FAM163B: variants seen among roughly 807,000 people sequenced by gnomAD.
FAM163B encodes protein FAM163B.
In FAM163B, 4 loss-of-function variants were observed where a neutral mutation model predicts 7.6. The ratio of observed to expected loss-of-function variants is 0.52; its 90% CI spans 0.26 to 1.20. The LOEUF (loss-of-function observed/expected upper bound fraction) is 1.20. Among genes scored for constraint, FAM163B ranks in the 50% most tolerant of loss-of-function variants. The probability of loss-of-function intolerance (pLI) is 0.14; values close to 1 mark genes in which losing one functional copy is unlikely to be tolerated. For synonymous variants in FAM163B, 120 were observed against 111.6 expected (o/e 1.07, Z -0.47); for missense variants, 250 against 243.0 (o/e 1.03, Z -0.19).
chr9:133,588,032 C>T (rs1489319713), intron 1 of FAM163B, among the ~76,000 whole-genome samples: 1 of 152,154 alleles, frequency 6.6e-6, no homozygotes, highest in Non-Finnish European at 1.5e-5. Flanking sequence ...CAGGACCTCA[C>T]TGCTGCTATC....
At chr9:133,603,767 TCTGGGGCA>T (rs1831757730) in intron 1 of FAM163B, among the ~76,000 whole-genome samples, 1 of 152,196 alleles carries the variant, frequency 6.6e-6, no homozygotes, top group Non-Finnish European at 1.5e-5. Flanking sequence ...TTCCTTTGAA[TCTGGGGCA>T]CCTGCTACCT....
chr9:133,587,485 T>C (rs368793182), intron 1 of FAM163B, among the ~76,000 whole-genome samples: 1 of 151,600 alleles, frequency 6.6e-6, no homozygotes, highest in Admixed American at 6.6e-5. Flanking sequence ...AGTGTCAGGA[T>C]CAGGCCTCCT....
chr9:133,590,562 C>T (rs1831537210), intron 1 of FAM163B, among the ~76,000 whole-genome samples: 1 of 152,198 alleles, frequency 6.6e-6, no homozygotes, highest in Non-Finnish European at 1.5e-5. Context: ...GGCCTTTACC[C>T]ACCAAAATGG....
At chr9:133,604,121 C>T (rs1252734315) in intron 1 of FAM163B, among the ~76,000 whole-genome samples, 1 of 152,238 alleles carries the variant, frequency 6.6e-6, no homozygotes, top group East Asian at 1.9e-4. Flanking sequence ...GGATTATAGG[C>T]ATGGGCCACT....
At chr9:133,592,299 G>A (rs1179679556) in intron 1 of FAM163B, among the ~76,000 whole-genome samples, 2 of 152,198 alleles carry the variant, frequency 1.3e-5, no homozygotes, top group African/African-American at 2.4e-5. Context: ...AATCACGACT[G>A]CAACTCCAGG....
intron 1 of FAM163B, among the ~76,000 whole-genome samples, chr9:133,580,805 A>G (rs973538310): frequency 1.3e-5 from 2 of 152,312 alleles, no homozygotes; most frequent in East Asian, 1.9e-4. Flanking sequence ...AAAATGTACC[A>G]TCTTCACCAT....
chr9:133,602,372 G>C (rs994088826), intron 1 of FAM163B, among the ~76,000 whole-genome samples: 1 of 152,178 alleles, frequency 6.6e-6, no homozygotes, highest in Non-Finnish European at 1.5e-5. Flanking sequence ...TGAGCTGTGG[G>C]GTCCCACGCT....
intron 1 of FAM163B, among the ~76,000 whole-genome samples, chr9:133,608,623 C>T (rs926016854): frequency 1.3e-5 from 2 of 152,194 alleles, no homozygotes; most frequent in African/African-American, 4.8e-5. Context: ...GGGCCAATGC[C>T]CCTTTCTCGT....
At chr9:133,590,327 G>C (rs1831533122) in intron 1 of FAM163B, among the ~76,000 whole-genome samples, 1 of 151,074 alleles carries the variant, frequency 6.6e-6, no homozygotes, top group Non-Finnish European at 1.5e-5. Flanking sequence ...TCCCAGTTCA[G>C]GGCCTGGAAG....
chr9:133,590,343 C>T (rs938506361), intron 1 of FAM163B, among the ~76,000 whole-genome samples: 20 of 151,542 alleles, frequency 1.3e-4, no homozygotes, highest in African/African-American at 3.9e-4. Flanking sequence ...GGAAGGCGGA[C>T]GGGAGGGAGG....
intron 2 of FAM163B, 25 bp downstream of exon 2, chr9:133,580,106 C>T: frequency 6.2e-7 from 1 of 1,601,732 alleles, no homozygotes; most frequent in South Asian, 1.1e-5. Flanking sequence ...CCTGCCCTGT[C>T]CCCTTCCCCG....
chr9:133,582,027 C>G (rs1831363559), intron 1 of FAM163B, among the ~76,000 whole-genome samples: 1 of 152,192 alleles, frequency 6.6e-6, no homozygotes, highest in South Asian at 2.1e-4. Context: ...AAAGCACATG[C>G]CTTTATCATC....
intron 1 of FAM163B, among the ~76,000 whole-genome samples, chr9:133,589,047 C>A (rs1394254010): frequency 5.9e-5 from 9 of 152,178 alleles, no homozygotes; most frequent in Admixed American, 5.9e-4. Context: ...TTCAATACAG[C>A]AGAGAAACCT....
Position 133,580,242 on chromosome 9 carries a change from A to G in FAM163B, c.-19T>C. The G allele has an allele frequency of 6.2e-7, 1 of 1,604,806 alleles. No individual in the cohort carries two copies. The highest frequency in any genetic ancestry group is 8.5e-7 in the Non-Finnish European group (1 of 1,172,646). On this transcript the variant is annotated 5_prime_UTR_variant, in exon 2 of 3. Coordinates refer to ENST00000673969, the MANE Select transcript of FAM163B (RefSeq NM_001080515.3). ...CTGTCATCCGCCCCCTTCTCCATCA[A>G]CAGCCTGCAACACACGCCGCCAGCT...
At chr9:133,608,414 C>A (rs1157843824) in intron 1 of FAM163B, among the ~76,000 whole-genome samples, 3 of 151,884 alleles carry the variant, frequency 2.0e-5, no homozygotes, top group Non-Finnish European at 4.4e-5. Context: ...AGAGTCTTTT[C>A]TTTTCTGGCT....
chr9:133,593,699 A>T (rs985592349), intron 1 of FAM163B, among the ~76,000 whole-genome samples: 1 of 152,228 alleles, frequency 6.6e-6, no homozygotes, highest in African/African-American at 2.4e-5. Context: ...GCATCTGCTG[A>T]GAGTCAGCTG....
chr9:133,602,866 C>A (rs1390403781), intron 1 of FAM163B, among the ~76,000 whole-genome samples: 2 of 152,260 alleles, frequency 1.3e-5, no homozygotes, highest in African/African-American at 4.8e-5. Flanking sequence ...TCCTTTGAAC[C>A]AGAATCGAAT....
intron 1 of FAM163B, among the ~76,000 whole-genome samples, chr9:133,598,410 GAAA>G (rs1008031710): frequency 2.9e-5 from 4 of 138,986 alleles, no homozygotes; most frequent in African/African-American, 5.3e-5. Context: ...AAGTGCATTT[GAAA>G]AAAAAAAAAC....
At chr9:133,595,717 G>A (rs1226446370) in intron 1 of FAM163B, among the ~76,000 whole-genome samples, 4 of 152,012 alleles carry the variant, frequency 2.6e-5, no homozygotes, top group African/African-American at 7.3e-5. Context: ...CAGCTTCCAG[G>A]CCACATATCA....
Sources: gnomAD v4.1 joint callset for allele counts (sites outside exome capture counted in the v4.1 genomes callset) on GRCh38, gnomAD v4.1.1 for gene constraint, MANE v1.5 for transcripts, NCBI Gene and HGNC (gene_info 2026-07-23, HGNC 2026-07-21) for gene names.